Variants in SH3RF3 observed in about 807,000 individuals in gnomAD.
The protein encoded by SH3RF3 is SH3 domain containing ring finger 3, also known as E3 ubiquitin-protein ligase SH3RF3.
A neutral mutation model predicts 66.3 loss-of-function variants in SH3RF3; 29 were observed. The observed-to-expected ratio is 0.44, with a 90% CI of 0.33 to 0.60. The LOEUF is 0.60. Among genes scored for constraint, SH3RF3 ranks in the 20% least tolerant of loss-of-function variants. The pLI is 0.04. For synonymous variants in SH3RF3, 583 were observed against 532.0 expected, an observed-to-expected ratio of 1.10 and a Z score of -1.32; for missense variants, 1,194 against 1,190.9, an observed-to-expected ratio of 1.00 and a Z score of -0.04.
chr2:109,376,487 C>T (rs1270018265), intron 3 of SH3RF3, among the ~76,000 whole-genome samples: 2 of 152,152 alleles, frequency 1.3e-5, no homozygotes, highest in African/African-American at 2.4e-5. Context: ...CAGTGATTCT[C>T]GTCTGCGAGG....
At chr2:109,481,081 C>T (rs1573287836) in intron 8 of SH3RF3, among the ~76,000 whole-genome samples, 1 of 152,224 alleles carries the variant, frequency 6.6e-6, no homozygotes, top group South Asian at 2.1e-4. Flanking sequence ...TTCTCACCTG[C>T]TGCTGCCAAA....
intron 3 of SH3RF3, among the ~76,000 whole-genome samples, chr2:109,396,162 C>T (rs2104430541): frequency 6.6e-6 from 1 of 152,290 alleles, no homozygotes; most frequent in East Asian, 1.9e-4. Context: ...CACTGGGGTC[C>T]AGAAAGCTGG....
intron 1 of SH3RF3, among the ~76,000 whole-genome samples, chr2:109,225,330 C>A (rs2378311): frequency 0.16 from 24,070 of 152,184 alleles, 3,708 homozygotes; most frequent in African/African-American, 0.39. Context: ...GAGAGACCTG[C>A]AAGTAACCAA....
intron 1 of SH3RF3, among the ~76,000 whole-genome samples, chr2:109,316,766 C>CT (rs1681894530): frequency 6.6e-6 from 1 of 152,198 alleles, no homozygotes; most frequent in South Asian, 2.1e-4. Flanking sequence ...ACACTCAGTA[C>CT]TTTCCCTGCC....
At position 109,290,898 on chromosome 2, in the gene SH3RF3, T is replaced by G. The variant is rs1399178760; in HGVS notation, c.574-56776T>G. ...CTTCATGTATATATTCTCTTCCTGT[T>G]TTGCCAGATGGTAAATTCGTTGAGA... On this transcript the variant is annotated intron_variant, in intron 1 of 9. Transcript: ENST00000309415. Among the ~76,000 whole-genome samples, 3 of 152,264 alleles carry G rather than the reference T, an allele frequency of 2.0e-5. No individual in the cohort carries two copies. The East Asian group carries it at 5.8e-4, about 29-fold the overall frequency.
chr2:109,340,862 A>G (rs1040971699), intron 1 of SH3RF3, among the ~76,000 whole-genome samples: 1 of 152,204 alleles, frequency 6.6e-6, no homozygotes, highest in African/African-American at 2.4e-5. Context: ...TTGATGCAAC[A>G]GGGAAACAGG....
intron 4 of SH3RF3, among the ~76,000 whole-genome samples, chr2:109,408,566 C>A (rs780100541): frequency 1.3e-5 from 2 of 152,260 alleles, no homozygotes; most frequent in African/African-American, 4.8e-5. Flanking sequence ...TCCTCCCATT[C>A]GCTGTCCCCT....
In SH3RF3 at chr2:109,134,036, G is replaced by C. The variant is rs935653879; in HGVS notation, c.573+3923G>C. On this transcript the variant is annotated intron_variant, in intron 1 of 9. Transcript: ENST00000309415. ...CTGGAAGCTAGTTACCATGTTCTTT[G>C]GGTCTCGACAGTTGAACTGCTTATA... Among the ~76,000 whole-genome samples, 3 of 152,270 alleles carry C rather than the reference G, an allele frequency of 2.0e-5. No individual in the cohort carries two copies. In the East Asian group the frequency reaches 5.8e-4, roughly 29 times the overall value.
intron 1 of SH3RF3, among the ~76,000 whole-genome samples, chr2:109,234,423 G>A (rs1428526835): frequency 6.6e-6 from 1 of 152,192 alleles, no homozygotes; most frequent in Admixed American, 6.5e-5. Flanking sequence ...TTTTGACCAC[G>A]AATGTCTCAT....
intron 1 of SH3RF3, among the ~76,000 whole-genome samples, chr2:109,318,962 T>G (rs1681952989): frequency 6.6e-6 from 1 of 152,236 alleles, no homozygotes; most frequent in African/African-American, 2.4e-5. Flanking sequence ...TGAGAACATT[T>G]GTATTTCAAG....
chr2:109,420,360 A>T (rs1256177798), intron 5 of SH3RF3, among the ~76,000 whole-genome samples: 1 of 150,772 alleles, frequency 6.6e-6, no homozygotes, highest in Non-Finnish European at 1.5e-5. Flanking sequence ...AGTTCTGTGA[A>T]TGCAGGGTGG....
At chr2:109,246,410 A>G (rs771969341) in intron 1 of SH3RF3, among the ~76,000 whole-genome samples, 7 of 152,274 alleles carry the variant, frequency 4.6e-5, no homozygotes, top group East Asian at 1.9e-4. Context: ...AATCCCATTC[A>G]TGAGGGCTCC....
chr2:109,129,903 C>G lies in SH3RF3; in HGVS notation c.363C>G (p.Ile121Met). ...TGCTGGTGCGACTGCTGGACGGCAT[C>G]CGTCAGCGGCCCCGCGCGGGCACCA... ...NILLVRLLDG[I>M]RQRPRAGTSP... The change falls in exon 1 of 10, where the codon ATC becomes ATG. Residue 121 changes from isoleucine to methionine, a missense_variant. By Grantham distance (10) the Ile-to-Met change is conservative (BLOSUM62 1). Coordinates refer to ENST00000309415, the MANE Select transcript of SH3RF3 (RefSeq NM_001099289.3). 1.3e-6 allele frequency: 2 copies of G among 1,507,594 alleles called. No individual in the cohort carries two copies. Among genetic ancestry groups the G allele is most frequent in the South Asian group, 2.5e-5 (2 of 81,094 alleles). The allele number at this position is 1,507,594 out of a possible 1,614,324, so 93.4% of individuals were successfully genotyped here. A position where few individuals can be genotyped will look rare whatever the true frequency, so the allele number is the denominator to read the frequency against.
intron 1 of SH3RF3, among the ~76,000 whole-genome samples, chr2:109,293,891 G>A (rs150661616): frequency 3.9e-4 from 59 of 152,310 alleles, no homozygotes; most frequent in Non-Finnish European, 6.8e-4. Flanking sequence ...AACAGCCTGA[G>A]GCTTGTTGCC....
chr2:109,463,480 A>G (rs1241745373), intron 8 of SH3RF3, among the ~76,000 whole-genome samples: 15 of 152,206 alleles, frequency 9.9e-5, no homozygotes, highest in Non-Finnish European at 8.8e-5. Flanking sequence ...GAGCTTTTCA[A>G]GGGTGCGAGG....
chr2:109,306,093 C>G (rs754178425), intron 1 of SH3RF3, among the ~76,000 whole-genome samples: 27 of 152,214 alleles, frequency 1.8e-4, no homozygotes, highest in Non-Finnish European at 3.5e-4. Context: ...TTGCTTTTGT[C>G]TACCTCACGC....
At chr2:109,359,313 T>C (rs977969581) in intron 2 of SH3RF3, among the ~76,000 whole-genome samples, 5 of 152,256 alleles carry the variant, frequency 3.3e-5, no homozygotes, top group African/African-American at 1.2e-4. Context: ...CAAAAGAACT[T>C]GCTGATACTT....
intron 1 of SH3RF3, among the ~76,000 whole-genome samples, chr2:109,137,277 G>A (rs1676836184): frequency 6.6e-6 from 1 of 152,160 alleles, no homozygotes; most frequent in African/African-American, 2.4e-5. Context: ...CCAAATGAAG[G>A]CTTTGCACTT....
At chr2:109,180,118 G>GTT (rs879424748) in intron 1 of SH3RF3, among the ~76,000 whole-genome samples, 62 of 147,056 alleles carry the variant, frequency 4.2e-4, no homozygotes, top group African/African-American at 1.4e-3. Flanking sequence ...CACAGGAGAA[G>GTT]TTTTTTTTTT....
Sources: gnomAD v4.1 joint callset for allele counts (sites outside exome capture counted in the v4.1 genomes callset) on GRCh38, gnomAD v4.1.1 for gene constraint, MANE v1.5 for transcripts, NCBI Gene and HGNC (gene_info 2026-07-23, HGNC 2026-07-21) for gene names.